The following HYCC1 variants were observed in gnomAD, a reference collection of about 807,000 sequenced individuals.
HYCC1 encodes the protein hyccin PI4KA lipid kinase complex subunit 1.
chr7:22,986,317 T>C, the HYCC1 span, among the ~76,000 whole-genome samples: 5 of 152,218 alleles, frequency 3.3e-5, no homozygotes, highest in African/African-American at 7.2e-5. Context: ...GAAAAGTTAA[T>C]TTTGTCTGTA....
chr7:22,903,085 G>C, the HYCC1 span, among the ~76,000 whole-genome samples: 1 of 152,150 alleles, frequency 6.6e-6, no homozygotes, highest in African/African-American at 2.4e-5. Context: ...TGGAAAGGAG[G>C]TGAAGGAATT....
At chr7:22,921,713 T>G in the HYCC1 span, among the ~76,000 whole-genome samples, 328 of 152,310 alleles carry the variant, frequency 2.2e-3, 3 homozygotes, top group South Asian at 0.01. Context: ...TAAATTCATA[T>G]TTTTAAAAAT....
chr7:22,992,533 C>T, the HYCC1 span, among the ~76,000 whole-genome samples: 1 of 152,078 alleles, frequency 6.6e-6, no homozygotes, highest in African/African-American at 2.4e-5. Context: ...AGAAAATTCA[C>T]ATCTTAAGTT....
chr7:22,910,205 G>GT, the HYCC1 span, among the ~76,000 whole-genome samples: 2 of 152,182 alleles, frequency 1.3e-5, no homozygotes, highest in Admixed American at 1.3e-4. Flanking sequence ...ATAGTGGGAG[G>GT]TATGCAGGTC....
At chr7:22,965,339 C>T in the HYCC1 span, among the ~76,000 whole-genome samples, 1 of 150,770 alleles carries the variant, frequency 6.6e-6, no homozygotes, top group Non-Finnish European at 1.5e-5. Context: ...TTAAAAACCA[C>T]AAAGGAAATA....
the HYCC1 span, among the ~76,000 whole-genome samples, chr7:22,990,261 C>G: frequency 2.6e-5 from 4 of 152,204 alleles, no homozygotes; most frequent in Admixed American, 6.5e-5. Flanking sequence ...AAACTCTACC[C>G]TTCCTCCAAA....
chr7:22,917,206 C>T, the HYCC1 span, among the ~76,000 whole-genome samples: 3 of 152,190 alleles, frequency 2.0e-5, no homozygotes, highest in Non-Finnish European at 4.4e-5. Context: ...AAACTTCCAC[C>T]TGTCAATCTC....
chr7:22,988,716 C>T, the HYCC1 span, among the ~76,000 whole-genome samples: 405 of 152,282 alleles, frequency 2.7e-3, no homozygotes, highest in African/African-American at 5.1e-3. Context: ...TCTTGGCTTT[C>T]GCTGTTCCAT....
the HYCC1 span, chr7:22,934,471 C>T: frequency 2.6e-5 from 4 of 152,064 alleles, 1 homozygote; most frequent in South Asian, 8.3e-4. Flanking sequence ...TTGGCAAATT[C>T]CATAATGGAA....
chr7:22,991,905 T>C, the HYCC1 span, among the ~76,000 whole-genome samples: 1 of 152,128 alleles, frequency 6.6e-6, no homozygotes, highest in Non-Finnish European at 1.5e-5. Context: ...TACTTAATTT[T>C]CATCAGCATT....
At chr7:22,917,756 T>C in the HYCC1 span, among the ~76,000 whole-genome samples, 1 of 152,224 alleles carries the variant, frequency 6.6e-6, no homozygotes, top group African/African-American at 2.4e-5. Flanking sequence ...CTCCTGGTTT[T>C]ACCTCAAACC....
the HYCC1 span, among the ~76,000 whole-genome samples, chr7:22,927,384 A>G: frequency 1.3e-5 from 2 of 152,152 alleles, no homozygotes; most frequent in East Asian, 3.8e-4. Flanking sequence ...AAAAAAATCA[A>G]TGAATCCAGG....
At chr7:22,969,955 G>T in the HYCC1 span, among the ~76,000 whole-genome samples, 1 of 152,192 alleles carries the variant, frequency 6.6e-6, no homozygotes, top group Non-Finnish European at 1.5e-5. Context: ...TAGGAATCAG[G>T]AAGGAAATAG....
chr7:22,935,406 G>A, the HYCC1 span: 1 of 152,138 alleles, frequency 6.6e-6, no homozygotes, highest in African/African-American at 2.4e-5. Flanking sequence ...CCCTGTGTAT[G>A]GGGGAGAGTT....
At chr7:22,924,701 G>A in the HYCC1 span, among the ~76,000 whole-genome samples, 2 of 152,238 alleles carry the variant, frequency 1.3e-5, no homozygotes, top group Non-Finnish European at 2.9e-5. Context: ...GAACTGGGTG[G>A]AGCCCACCAC....
At chr7:22,942,530 G>C in the HYCC1 span, 1 of 152,154 alleles carries the variant, frequency 6.6e-6, no homozygotes, top group Non-Finnish European at 1.5e-5. Context: ...AGTGCCACCA[G>C]AATACTCCAG....
chr7:22,990,200 C>T, the HYCC1 span, among the ~76,000 whole-genome samples: 1 of 152,188 alleles, frequency 6.6e-6, no homozygotes, highest in Non-Finnish European at 1.5e-5. Context: ...TTATAAATAG[C>T]CCTGCTTTGT....
chr7:22,959,734 T>C, the HYCC1 span, among the ~76,000 whole-genome samples: 1 of 151,954 alleles, frequency 6.6e-6, no homozygotes, highest in Non-Finnish European at 1.5e-5. Flanking sequence ...CAAGAAGGGA[T>C]ATATATATAC....
chr7:22,953,127 T>C, the HYCC1 span, among the ~76,000 whole-genome samples: 4 of 151,906 alleles, frequency 2.6e-5, no homozygotes, highest in Admixed American at 2.6e-4. Flanking sequence ...CTTTATTAAG[T>C]CTCAAGTTTT....
Sources: gnomAD v4.1 joint callset for allele counts (sites outside exome capture counted in the v4.1 genomes callset) on GRCh38, gnomAD v4.1.1 for gene constraint, MANE v1.5 for transcripts, NCBI Gene and HGNC (gene_info 2026-07-23, HGNC 2026-07-21) for gene names.